EGFLAM: variants seen among roughly 807,000 people sequenced by gnomAD.
EGFLAM encodes EGF like, fibronectin type III and laminin G domains, also known as pikachurin.
In EGFLAM, 79 loss-of-function variants were observed where a neutral mutation model predicts 113.1. That is an observed-to-expected ratio of 0.70 (90% CI 0.58 to 0.84). EGFLAM has a LOEUF of 0.84. Ranked by LOEUF, EGFLAM falls within the 40% of genes least tolerant of loss-of-function variation. EGFLAM has a pLI of 0.00. For synonymous variants in EGFLAM, 504 were observed against 487.6 expected (o/e 1.03, Z -0.44); for missense variants, 1,265 against 1,291.6 (o/e 0.98, Z 0.32).
intron 20 of EGFLAM, among the ~76,000 whole-genome samples, chr5:38,460,180 A>G (rs1204417084): frequency 2.0e-5 from 3 of 152,202 alleles, no homozygotes; most frequent in African/African-American, 7.2e-5. Flanking sequence ...CCACCCTGGG[A>G]ACATCAGGGA....
At chr5:38,450,922 G>T (rs1312491215) in intron 18 of EGFLAM, among the ~76,000 whole-genome samples, 1 of 152,236 alleles carries the variant, frequency 6.6e-6, no homozygotes, top group Admixed American at 6.5e-5. Context: ...CGTGGTCCTA[G>T]CCCAGAGTGG....
chr5:38,415,261 G>T (rs1741605676), intron 11 of EGFLAM, among the ~76,000 whole-genome samples: 1 of 151,966 alleles, frequency 6.6e-6, no homozygotes, highest in South Asian at 2.1e-4. Flanking sequence ...TACTCAGGAG[G>T]CTGAGGCAGG....
intron 1 of EGFLAM, among the ~76,000 whole-genome samples, chr5:38,288,869 A>T (rs1288532222): frequency 6.6e-6 from 1 of 152,070 alleles, no homozygotes; most frequent in Non-Finnish European, 1.5e-5. Context: ...GGTGGTTTTG[A>T]GTGGTAGGGA....
chr5:38,373,590 G>A (rs1740283943), intron 6 of EGFLAM, among the ~76,000 whole-genome samples: 1 of 152,028 alleles, frequency 6.6e-6, no homozygotes, highest in Admixed American at 6.6e-5. Flanking sequence ...AAAAGACGTG[G>A]GTTTGTTCTT....
chr5:38,464,102 C>A lies in EGFLAM; in HGVS notation c.*116C>A. ...AGGGACCAGGTGTGTTTCCTCTCAC[C>A]AAGAAGAAAGTACACACTGATGAGA... On this transcript the variant is annotated 3_prime_UTR_variant, in exon 22 of 22. Coordinates refer to ENST00000322350, the MANE Select transcript of EGFLAM (RefSeq NM_152403.4). The A allele has an allele frequency of 7.3e-7, 1 of 1,364,128 alleles. No individual in the cohort carries two copies. The highest frequency in any genetic ancestry group is 9.9e-7 in the Non-Finnish European group (1 of 1,007,872). The allele number at this position is 1,364,128 out of a possible 1,614,324, so 84.5% of individuals were successfully genotyped here.
chr5:38,264,106 T>G (rs1579699835), intron 1 of EGFLAM, among the ~76,000 whole-genome samples: 1 of 152,322 alleles, frequency 6.6e-6, no homozygotes, highest in East Asian at 1.9e-4. Context: ...GCTCCCAGGC[T>G]TAGAGCCTGG....
At chr5:38,323,496 A>T (rs1200725639) in intron 1 of EGFLAM, among the ~76,000 whole-genome samples, 1 of 152,200 alleles carries the variant, frequency 6.6e-6, no homozygotes, top group Non-Finnish European at 1.5e-5. Flanking sequence ...TAGATGCATT[A>T]TTTTAGTTTC....
intron 3 of EGFLAM, among the ~76,000 whole-genome samples, chr5:38,344,817 AAC>A (rs2111967473): frequency 6.6e-6 from 1 of 152,284 alleles, no homozygotes; most frequent in East Asian, 1.9e-4. Context: ...GAGGAAAGGA[AAC>A]ACACTCCTTC....
chr5:38,265,839 C>A (rs1232844039), intron 1 of EGFLAM, among the ~76,000 whole-genome samples: 1 of 152,214 alleles, frequency 6.6e-6, no homozygotes, highest in Non-Finnish European at 1.5e-5. Context: ...AATCCAGGCA[C>A]CTGCCTTTTT....
chr5:38,351,560 A>G (rs1409612376), intron 4 of EGFLAM, among the ~76,000 whole-genome samples: 1 of 152,132 alleles, frequency 6.6e-6, no homozygotes, highest in Non-Finnish European at 1.5e-5. Flanking sequence ...AAGACAGGAA[A>G]GGTCTCCCAG....
chr5:38,446,872 T>G (rs1337585543), intron 17 of EGFLAM, among the ~76,000 whole-genome samples: 1 of 152,170 alleles, frequency 6.6e-6, no homozygotes, highest in Non-Finnish European at 1.5e-5. Flanking sequence ...TGAAGGTTAA[T>G]CTGTACGAAT....
chr5:38,431,626 T>C (rs1742190714), intron 15 of EGFLAM, among the ~76,000 whole-genome samples: 1 of 152,132 alleles, frequency 6.6e-6, no homozygotes, highest in South Asian at 2.1e-4. Flanking sequence ...ACATGGACTC[T>C]GGGGTAGGGC....
At chr5:38,325,450 A>G (rs922557523) in intron 1 of EGFLAM, among the ~76,000 whole-genome samples, 17 of 152,362 alleles carry the variant, frequency 1.1e-4, no homozygotes, top group African/African-American at 3.8e-4. Flanking sequence ...CAGCAATAAC[A>G]TTTGAGAAAC....
chr5:38,437,025 G>GCA (rs1426192252), intron 16 of EGFLAM, among the ~76,000 whole-genome samples: 1 of 152,190 alleles, frequency 6.6e-6, no homozygotes, highest in African/African-American at 2.4e-5. Context: ...TTACTGTCTC[G>GCA]AAGTTCTGCA....
chr5:38,430,400 G>C (rs1476756470), intron 14 of EGFLAM, among the ~76,000 whole-genome samples: 1 of 152,088 alleles, frequency 6.6e-6, no homozygotes, highest in Non-Finnish European at 1.5e-5. Context: ...TCATTGTAAG[G>C]AATAAATAAA....
intron 15 of EGFLAM, among the ~76,000 whole-genome samples, chr5:38,433,738 A>G (rs1298671285): frequency 6.6e-6 from 1 of 152,200 alleles, no homozygotes; most frequent in African/African-American, 2.4e-5. Context: ...AGCAATGACA[A>G]GAGAAAGATG....
intron 5 of EGFLAM, among the ~76,000 whole-genome samples, chr5:38,359,189 G>A (rs1364132640): frequency 3.3e-5 from 5 of 152,150 alleles, no homozygotes; most frequent in Non-Finnish European, 5.9e-5. Flanking sequence ...CCTCATCACT[G>A]AAGTTCCAAT....
chr5:38,403,878 G>A lies in EGFLAM; in HGVS notation c.713-2248G>A, dbSNP rs200600181. The A allele has an allele frequency of 2.2e-5, 36 of 1,613,852 alleles. No homozygotes were observed. The African/African-American group carries it at 3.1e-4, about 14-fold the overall frequency. On this transcript the variant is annotated intron_variant, in intron 6 of 21. Transcript: ENST00000322350. The stretch of plus-strand genomic sequence containing the variant: ...TACGCTGCATGCAGGTGGCTTGAGA[G>A]AACATGCATCCAGGTATAAATCTGG...
At chr5:38,284,658 C>A (rs1393299787) in intron 1 of EGFLAM, among the ~76,000 whole-genome samples, 1 of 152,196 alleles carries the variant, frequency 6.6e-6, no homozygotes, top group Non-Finnish European at 1.5e-5. Context: ...TCTTTTCCTG[C>A]TGAAATTCTC....
Sources: gnomAD v4.1 joint callset for allele counts (sites outside exome capture counted in the v4.1 genomes callset) on GRCh38, gnomAD v4.1.1 for gene constraint, MANE v1.5 for transcripts, NCBI Gene and HGNC (gene_info 2026-07-23, HGNC 2026-07-21) for gene names.